PI4KB: variants seen among roughly 807,000 people sequenced by gnomAD.
The protein encoded by PI4KB is phosphatidylinositol 4-kinase beta, also known as PtdIns 4-kinase beta.
PI4KB carries 23 observed loss-of-function variants against 81.4 expected under a neutral mutation model. The observed-to-expected ratio is 0.28, with a 90% CI of 0.20 to 0.40. The LOEUF is 0.40. Ranked by LOEUF, PI4KB falls within the 10% of genes least tolerant of loss-of-function variation. The probability of loss-of-function intolerance (pLI) is 1.00; values close to 1 mark genes in which losing one functional copy is unlikely to be tolerated. For missense variants in PI4KB, 651 were observed against 1,036.6 expected (o/e 0.63, Z 5.11); for synonymous variants, 381 against 406.8 (o/e 0.94, Z 0.76).
chr1:151,316,654 A>G (rs1647990101), intron 1 of PI4KB, 145 bp from the exon 2 acceptor site: 14 of 530,978 alleles, frequency 2.6e-5, no homozygotes, highest in Non-Finnish European at 4.2e-5. Context: ...TCAAAATCAG[A>G]TAAGAAGACA....
chr1:151,294,352 CCAT>C, intron 10 of PI4KB, 54 bp downstream of exon 10: 1 of 1,592,672 alleles, frequency 6.3e-7, no homozygotes, highest in Non-Finnish European at 8.6e-7. Context: ...GCTCCCTCTC[CCAT>C]GACAGAGAAA....
Position 151,292,150 on chromosome 1 carries a change from T to A in PI4KB, c.*702A>T, listed in dbSNP as rs1273706111. ...CACAAGTGGCTAACTAAGGACTTTA[T>A]TTCAAACAAAAATTAAAAATAAAAA... is the stretch of plus-strand genomic sequence containing the variant. On this transcript the variant is annotated 3_prime_UTR_variant, in exon 12 of 12. Transcript: ENST00000368873. 1.3e-5 allele frequency: 2 copies of A among 152,346 alleles called. No individual in the cohort carries two copies. Among genetic ancestry groups the A allele is most frequent in the Non-Finnish European group, 2.9e-5 (2 of 68,154 alleles). The allele number at this position is 152,346 out of a possible 1,614,324, so 9.4% of individuals were successfully genotyped here.
chr1:151,326,228 T>G (rs777102412), intron 1 of PI4KB: 32 of 1,585,696 alleles, frequency 2.0e-5, no homozygotes, highest in Non-Finnish European at 1.7e-6. Flanking sequence ...TGCTCCGGAG[T>G]AGTCAACCAA....
At chr1:151,304,048 G>A (rs1020819884) in intron 5 of PI4KB, among the ~76,000 whole-genome samples, 8 of 152,102 alleles carry the variant, frequency 5.3e-5, no homozygotes, top group African/African-American at 1.9e-4. Context: ...CTCCCCTAGG[G>A]TCCAAAGCAG....
chr1:151,302,004 G>A (rs1388865875), intron 7 of PI4KB, 37 bp from the exon 8 acceptor site: 3 of 1,612,312 alleles, frequency 1.9e-6, no homozygotes, highest in East Asian at 4.5e-5. Flanking sequence ...AAAGGTTGAT[G>A]CCAGGGTGAG....
chr1:151,318,903 G>A (rs759121746), intron 1 of PI4KB, among the ~76,000 whole-genome samples: 64 of 152,178 alleles, frequency 4.2e-4, no homozygotes, highest in South Asian at 1.2e-3. Flanking sequence ...AAGCTGTGCC[G>A]TTTCTCTGGT....
At chr1:151,324,752 T>G in intron 1 of PI4KB, 1 of 985,408 alleles carries the variant, frequency 1.0e-6, no homozygotes, top group African/African-American at 1.7e-5. Context: ...CACCTCTCTC[T>G]GAATTGTTCC....
intron 9 of PI4KB, chr1:151,298,397 T>C (rs374533812): frequency 5.1e-6 from 1 of 197,930 alleles, no homozygotes; most frequent in African/African-American, 2.3e-5. Context: ...AGCTTCACAA[T>C]GAAGGCCCTT....
intron 9 of PI4KB, among the ~76,000 whole-genome samples, chr1:151,296,784 A>AT (rs1030401708): frequency 8.2e-4 from 77 of 93,904 alleles, no homozygotes; most frequent in African/African-American, 1.2e-3. Flanking sequence ...ACTAATTTTT[A>AT]TTTTTTTTTT....
At position 151,310,202 on chromosome 1, in the gene PI4KB, C is replaced by T; in HGVS notation, c.954+9G>A. The T allele has an allele frequency of 1.2e-6, 2 of 1,606,428 alleles. No individual in the cohort carries two copies. The highest frequency in any genetic ancestry group is 1.7e-6 in the Non-Finnish European group (2 of 1,175,366). On this transcript the variant is annotated intron_variant, in intron 3 of 11. Coordinates refer to ENST00000368873, the MANE Select transcript of PI4KB (RefSeq NM_001369623.2). Reference sequence around the variant, plus strand: ...GCCTGCCACCCCGTCCCAGCCTGGCCCCACTTACGGAACTGAATGAATTAT... The same window carrying T: ...GCCTGCCACCCCGTCCCAGCCTGGCTCCACTTACGGAACTGAATGAATTAT...
chr1:151,295,773 A>G (rs1375152176), intron 9 of PI4KB, among the ~76,000 whole-genome samples: 1 of 151,920 alleles, frequency 6.6e-6, no homozygotes, highest in African/African-American at 2.4e-5. Flanking sequence ...TAGAGGATGG[A>G]CTCTCATCTT....
chr1:151,316,527 G>A lies in PI4KB; in HGVS notation c.-28-18C>T. ...CTTCCAAGCTACAGGAAGAGGGAGG[G>A]AGAAAAGAACAGAAAGGGAGACACA... On this transcript the variant is annotated intron_variant, in intron 1 of 11. Coordinates refer to ENST00000368873, the MANE Select transcript of PI4KB (RefSeq NM_001369623.2). 6.7e-7 allele frequency: 1 copy of A among 1,500,654 alleles called. No individual in the cohort carries two copies. Among genetic ancestry groups the A allele is most frequent in the East Asian group, 2.3e-5 (1 of 43,488 alleles). 93.0% of individuals were successfully genotyped at this position (1,500,654 alleles called of 1,614,324 possible).
intron 9 of PI4KB, among the ~76,000 whole-genome samples, chr1:151,295,963 C>T (rs1401524354): frequency 1.3e-5 from 2 of 152,122 alleles, no homozygotes; most frequent in African/African-American, 2.4e-5. Context: ...ATTGCATTCT[C>T]GGCCGGATGC....
At chr1:151,324,574 C>T (rs547880145) in intron 1 of PI4KB, among the ~76,000 whole-genome samples, 20 of 152,142 alleles carry the variant, frequency 1.3e-4, no homozygotes, top group Admixed American at 7.2e-4. Flanking sequence ...GCTACTAGCA[C>T]GAGGGTAGGG....
At chr1:151,303,783 T>G in intron 5 of PI4KB, 133 bp from the exon 6 acceptor site, 1 of 676,862 alleles carries the variant, frequency 1.5e-6, no homozygotes, top group South Asian at 1.6e-5. Context: ...TGTTGGTTAC[T>G]GGGACCCCAG....
At chr1:151,304,343 G>GT (rs587741967) in intron 5 of PI4KB, among the ~76,000 whole-genome samples, 84,137 of 135,248 alleles carry the variant, frequency 0.62, 26,098 homozygotes, top group Middle Eastern at 0.68. Context: ...CTGGCTGTGT[G>GT]TTTTTTTTTT....
Position 151,317,430 on chromosome 1 carries a change from C to T in PI4KB, c.-28-921G>A, listed in dbSNP as rs1042597405. ...TTTCTGGGCTCAAGCAATCCTCCTA[C>T]CTCAGCTTCCCAAGTATCCAGGACT... On this transcript the variant is annotated intron_variant, in intron 1 of 11. Transcript: ENST00000368873. 1.4e-4 allele frequency among the ~76,000 whole-genome samples: 22 copies of T among 152,082 alleles called. 1 individual carries two copies. Among genetic ancestry groups the T allele is most frequent in the Non-Finnish European group, 1.6e-4 (11 of 68,012 alleles).
At position 151,316,524 on chromosome 1, in the gene PI4KB, A is replaced by C. The variant is rs777574711; in HGVS notation, c.-28-15T>G. On this transcript the variant is annotated splice_polypyrimidine_tract_variant and intron_variant, in intron 1 of 11. Transcript: ENST00000368873. ...GAGCTTCCAAGCTACAGGAAGAGGG[A>C]GGGAGAAAAGAACAGAAAGGGAGAC... 6.7e-7 allele frequency: 1 copy of C among 1,502,310 alleles called. No individual in the cohort carries two copies. Among genetic ancestry groups the C allele is most frequent in the Non-Finnish European group, 8.9e-7 (1 of 1,123,506 alleles). The allele number at this position is 1,502,310 out of a possible 1,614,324, so 93.1% of individuals were successfully genotyped here. A position where few individuals can be genotyped will look rare whatever the true frequency, so the allele number is the denominator to read the frequency against.
chr1:151,294,638 G>A, intron 9 of PI4KB, 97 bp from the exon 10 acceptor site: 1 of 1,183,012 alleles, frequency 8.5e-7, no homozygotes, highest in Non-Finnish European at 1.2e-6. Flanking sequence ...ACACCAGGGA[G>A]GGGGGTCCCC....
Sources: allele counts gnomAD v4.1 joint callset (sites outside exome capture counted in the v4.1 genomes callset), GRCh38; gene constraint gnomAD v4.1.1; transcripts MANE v1.5; gene names NCBI Gene and HGNC (gene_info 2026-07-23, HGNC 2026-07-21).